The following MMP28 variants were observed in gnomAD, a reference collection of about 807,000 sequenced individuals.
MMP28 encodes the protein matrix metalloproteinase-28.
In MMP28, 55 loss-of-function variants were observed where a neutral mutation model predicts 60.5. The observed-to-expected ratio is 0.91, with a 90% CI of 0.73 to 1.14. The LOEUF (loss-of-function observed/expected upper bound fraction) is 1.14. Ranked by LOEUF, MMP28 falls within the 50% of genes most tolerant of loss-of-function variation. MMP28 has a pLI of 0.00. For synonymous variants in MMP28, 318 were observed against 312.5 expected, an observed-to-expected ratio of 1.02 and a Z score of -0.18; for missense variants, 686 against 738.3, an observed-to-expected ratio of 0.93 and a Z score of 0.82.
At chr17:35,759,642 A>G (rs2085781380) in intron 2 of MMP28, among the ~76,000 whole-genome samples, 1 of 152,156 alleles carries the variant, frequency 6.6e-6, no homozygotes, top group Admixed American at 6.5e-5. Flanking sequence ...CAGAGGTTGC[A>G]GTGAGCCGAG....
In MMP28 at chr17:35,773,163, A is replaced by T; in HGVS notation, c.604+17T>A. The T allele has an allele frequency of 1.2e-6, 2 of 1,609,502 alleles. No homozygotes were observed. Among genetic ancestry groups the T allele is most frequent in the Non-Finnish European group, 8.5e-7 (1 of 1,176,940 alleles). On this transcript the variant is annotated intron_variant, in intron 4 of 7. Coordinates refer to ENST00000605424, the MANE Select transcript of MMP28 (RefSeq NM_024302.5). Reference sequence around the variant, plus strand: ...GTTCCCCTCCTGCTGTGCGGGAGGGAGGCTTTGTGCCAGCACCTGGGCCAT... The same window carrying T: ...GTTCCCCTCCTGCTGTGCGGGAGGGTGGCTTTGTGCCAGCACCTGGGCCAT...
chr17:35,780,607 G>A (rs2086469765), intron 1 of MMP28, among the ~76,000 whole-genome samples: 1 of 152,008 alleles, frequency 6.6e-6, no homozygotes, highest in Non-Finnish European at 1.5e-5. Context: ...GGCCGAGGTG[G>A]GCACATCACC....
chr17:35,770,823 G>T (rs1555605348), intron 4 of MMP28, among the ~76,000 whole-genome samples: 1 of 151,956 alleles, frequency 6.6e-6, no homozygotes, highest in Admixed American at 6.6e-5. Flanking sequence ...GCTGATGTGG[G>T]AGGAACATTT....
At chr17:35,787,899 C>CTTTTTT (rs532350874) in intron 1 of MMP28, among the ~76,000 whole-genome samples, 35 of 104,402 alleles carry the variant, frequency 3.4e-4, no homozygotes, top group East Asian at 6.5e-4. Flanking sequence ...TTTTCTTTCC[C>CTTTTTT]TTTTTTTTTT....
At chr17:35,768,184 A>C in intron 6 of MMP28, 46 bp downstream of exon 6, 1 of 1,554,740 alleles carries the variant, frequency 6.4e-7, no homozygotes, top group Non-Finnish European at 8.7e-7. Context: ...ACACTAAGAG[A>C]TATGGAAGGA....
intron 5 of MMP28, among the ~76,000 whole-genome samples, chr17:35,769,437 G>C (rs1326522522): frequency 6.6e-6 from 1 of 152,212 alleles, no homozygotes; most frequent in Non-Finnish European, 1.5e-5. Context: ...AAGAGCATCT[G>C]CTAATCAGGG....
downstream of MMP28, chr17:35,764,314 T>C: frequency 5.4e-6 from 8 of 1,480,268 alleles, no homozygotes; most frequent in Non-Finnish European, 7.1e-6. Context: ...GCCTAACAGC[T>C]CCCACCGACA....
chr17:35,756,596 G>T (rs143671821), intron 2 of MMP28, among the ~76,000 whole-genome samples: 3 of 150,710 alleles, frequency 2.0e-5, no homozygotes, highest in African/African-American at 7.3e-5. Context: ...TCAGCTTCCC[G>T]AGTAGCTGAG....
At chr17:35,778,212 A>G (rs1209571580) in intron 3 of MMP28, among the ~76,000 whole-genome samples, 1 of 152,230 alleles carries the variant, frequency 6.6e-6, no homozygotes, top group South Asian at 2.1e-4. Flanking sequence ...CAGAAACTGT[A>G]ATGTGTAAAC....
intron 3 of MMP28, among the ~76,000 whole-genome samples, chr17:35,776,303 C>G (rs1555607630): frequency 1.3e-5 from 2 of 152,046 alleles, no homozygotes; most frequent in African/African-American, 2.4e-5. Flanking sequence ...TCCCGAGTAT[C>G]TGGGATTACA....
In MMP28 at chr17:35,795,460, GGGATGGGACTGCTCT is replaced by G; in HGVS notation, c.-98_-84del. Reference sequence around the variant, plus strand: ...GCAGTCAGCCGCGCCCGGGACCCCGGGGATGGGACTGCTCTGCGCCGCCCCCGCACGGAGAGGGAC... The same window carrying G: ...GCAGTCAGCCGCGCCCGGGACCCCGGGCGCCGCCCCCGCACGGAGAGGGAC... On this transcript the variant is annotated 5_prime_UTR_variant, in exon 1 of 8. Transcript: ENST00000605424. 2.0e-6 allele frequency: 2 copies of G among 1,013,858 alleles called. No homozygotes were observed. The highest frequency in any genetic ancestry group is 2.7e-6 in the Non-Finnish European group (2 of 752,486). The allele number at this position is 1,013,858 out of a possible 1,614,324, so 62.8% of individuals were successfully genotyped here.
intron 1 of MMP28, 56 bp from the exon 2 acceptor site, chr17:35,779,379 C>T: frequency 1.4e-6 from 2 of 1,425,778 alleles, no homozygotes; most frequent in Non-Finnish European, 1.9e-6. Context: ...CTCCCTTGGT[C>T]CCCAAGGGCC....
chr17:35,780,234 A>G (rs2086459336), intron 1 of MMP28, among the ~76,000 whole-genome samples: 1 of 151,820 alleles, frequency 6.6e-6, no homozygotes, highest in South Asian at 2.1e-4. Flanking sequence ...ACGCCTGGGT[A>G]ATTTCTTGTA....
chr17:35,768,181 G>C, intron 6 of MMP28, 49 bp downstream of exon 6: 1 of 1,550,890 alleles, frequency 6.4e-7, no homozygotes, highest in Non-Finnish European at 8.7e-7. Flanking sequence ...GAGACACTAA[G>C]AGATATGGAA....
At chr17:35,777,583 T>C (rs902581465) in intron 3 of MMP28, among the ~76,000 whole-genome samples, 2 of 152,154 alleles carry the variant, frequency 1.3e-5, no homozygotes, top group Non-Finnish European at 1.5e-5. Flanking sequence ...ATGAATACTA[T>C]CAGTAAAAGT....
chr17:35,764,717 C>T (rs989418319), downstream of MMP28: 9 of 1,305,088 alleles, frequency 6.9e-6, no homozygotes, highest in African/African-American at 1.4e-4. Flanking sequence ...TCGACGCATT[C>T]CGCAGGACCG....
chr17:35,777,871 T>C (rs1555607987), intron 3 of MMP28, among the ~76,000 whole-genome samples: 1 of 152,196 alleles, frequency 6.6e-6, no homozygotes, highest in African/African-American at 2.4e-5. Flanking sequence ...CTACTAAAAA[T>C]ACAGAAATTA....
Position 35,768,398 on chromosome 17 carries a change from A to AAG in MMP28, c.851-21_851-20dup. 4 of 1,580,458 alleles carry AAG rather than the reference A, an allele frequency of 2.5e-6. No homozygotes were observed. The highest frequency in any genetic ancestry group is 2.6e-6 in the Non-Finnish European group (3 of 1,165,182). On this transcript the variant is annotated intron_variant, in intron 5 of 7. Coordinates refer to ENST00000605424, the MANE Select transcript of MMP28 (RefSeq NM_024302.5). ...GGCTTCCCTTTGTGAGTAAGGAAAT[A>AAG]AGAGAGAGAGAGAACACACATAGGG... is the stretch of plus-strand genomic sequence containing the variant.
At position 35,770,190 on chromosome 17, in the gene MMP28, C is replaced by T. The variant is rs1555604979; in HGVS notation, c.727G>A (p.Gly243Ser). Residue 243 changes from glycine to serine, a missense_variant, in exon 5 of 8, where the codon GGT becomes AGT. Transcript: ENST00000605424. ...GAGTGGGTGAGGCCAAGCGTGTGAC[C>T]GATCTCGTGCGCCAGCACCACGAAC... ...NLFVVLAHEI[G>S]HTLGLTHSPA... is the part of the protein sequence containing the mutation. 2 of 1,604,496 alleles carry T rather than the reference C, an allele frequency of 1.2e-6. No homozygotes were observed. The highest frequency in any genetic ancestry group is 1.7e-4 in the Middle Eastern group (1 of 6,020).
Sources: gnomAD v4.1 joint callset for allele counts (sites outside exome capture counted in the v4.1 genomes callset) on GRCh38, gnomAD v4.1.1 for gene constraint, MANE v1.5 for transcripts, NCBI Gene and HGNC (gene_info 2026-07-23, HGNC 2026-07-21) for gene names.